Variants in PAQR8 observed in about 807,000 individuals in gnomAD.
PAQR8 encodes the protein progestin and adipoQ receptor family member 8.
Under a neutral mutation model 25.2 loss-of-function variants are expected in PAQR8, and 17 were observed. That is an observed-to-expected ratio of 0.67 (90% CI 0.46 to 1.01). The LOEUF (loss-of-function observed/expected upper bound fraction) is 1.01, where lower values mean the gene tolerates loss of function less well. PAQR8 is among the 50% of genes least tolerant of loss of function. PAQR8 has a pLI of 0.00. For synonymous variants in PAQR8, 204 were observed against 190.6 expected (o/e 1.07, Z -0.58); for missense variants, 392 against 448.4 (o/e 0.87, Z 1.14).
In PAQR8 at chr6:52,398,177, A is replaced by AAGTTT. The variant is rs375240947; in HGVS notation, c.-52-4982_-52-4978dup. On this transcript the variant is annotated intron_variant, in intron 1 of 1. Coordinates refer to ENST00000442253, the MANE Select transcript of PAQR8 (RefSeq NM_133367.5). ...CAACCCAAACCCTCTTTCTGACCAC[A>AAGTTT]AGTTTAGAATTTTTCTTTTCTTTTT... Among the ~76,000 whole-genome samples, 472 of 150,334 alleles carry AAGTTT rather than the reference A, an allele frequency of 3.1e-3. 2 individuals carry two copies. The highest frequency in any genetic ancestry group is 0.011 in the African/African-American group (463 of 40,708).
chr6:52,394,701 A>G (rs778192757), intron 1 of PAQR8, among the ~76,000 whole-genome samples: 8 of 152,270 alleles, frequency 5.3e-5, no homozygotes, highest in Non-Finnish European at 1.2e-4. Flanking sequence ...GTAGGCTAAG[A>G]GTGGTTACGT....
intron 1 of PAQR8, among the ~76,000 whole-genome samples, chr6:52,395,416 A>G (rs932967391): frequency 6.6e-6 from 1 of 152,198 alleles, no homozygotes; most frequent in Non-Finnish European, 1.5e-5. Context: ...TTCCATTATA[A>G]TCTGACTCTA....
chr6:52,398,500 G>A (rs1020315597), intron 1 of PAQR8, among the ~76,000 whole-genome samples: 1 of 150,062 alleles, frequency 6.7e-6, no homozygotes, highest in Admixed American at 6.6e-5. Context: ...GAGCCACCAT[G>A]CGTGACCTTA....
intron 1 of PAQR8, among the ~76,000 whole-genome samples, chr6:52,378,463 T>C (rs1438420793): frequency 3.3e-5 from 5 of 152,194 alleles, no homozygotes; most frequent in African/African-American, 7.2e-5. Context: ...ATTCCAGATA[T>C]AACAAAATTT....
At chr6:52,395,189 C>T (rs141419189) in intron 1 of PAQR8, among the ~76,000 whole-genome samples, 1,581 of 148,792 alleles carry the variant, frequency 0.011, 21 homozygotes, top group African/African-American at 0.037. Flanking sequence ...AGGAGAATTG[C>T]TTGAACCCGG....
At chr6:52,401,013 C>T (rs1763823692) in intron 1 of PAQR8, among the ~76,000 whole-genome samples, 1 of 152,226 alleles carries the variant, frequency 6.6e-6, no homozygotes, top group South Asian at 2.1e-4. Flanking sequence ...AACTATCACA[C>T]AACCCATATA....
intron 1 of PAQR8, among the ~76,000 whole-genome samples, chr6:52,372,897 C>T (rs1457796251): frequency 2.0e-5 from 3 of 152,094 alleles, no homozygotes; most frequent in Non-Finnish European, 4.4e-5. Flanking sequence ...TTAGATATCA[C>T]TATATCCCTA....
In PAQR8 at chr6:52,362,734, G is replaced by A. The variant is rs535565734; in HGVS notation, c.-53+485G>A. ...CGCCCTCCGCAGGGCGGAGGGGAAC[G>A]GAACCTGGGAGGGGAGTGCGGAGGA... is the stretch of plus-strand genomic sequence containing the variant. On this transcript the variant is annotated intron_variant, in intron 1 of 1. Coordinates refer to ENST00000442253, the MANE Select transcript of PAQR8 (RefSeq NM_133367.5). The surrounding 1 kb of genome is among the most constrained non-coding windows in gnomAD (Gnocchi z 4.1). Among the ~76,000 whole-genome samples, 1 of 152,172 alleles carries A rather than the reference G, an allele frequency of 6.6e-6. No individual in the cohort carries two copies. The highest frequency in any genetic ancestry group is 2.4e-5 in the African/African-American group (1 of 41,452).
chr6:52,378,951 G>T (rs968566761), intron 1 of PAQR8, among the ~76,000 whole-genome samples: 1 of 151,634 alleles, frequency 6.6e-6, no homozygotes, highest in Non-Finnish European at 1.5e-5. Context: ...ACAAAAATTA[G>T]CCAGGCATGG....
chr6:52,380,858 GT>G (rs1409238394), intron 1 of PAQR8, among the ~76,000 whole-genome samples: 4 of 152,280 alleles, frequency 2.6e-5, no homozygotes, highest in Admixed American at 2.0e-4. Flanking sequence ...GTATAAACAG[GT>G]ATCAACTTGC....
chr6:52,378,895 G>C (rs1454755684), intron 1 of PAQR8, among the ~76,000 whole-genome samples: 1 of 151,738 alleles, frequency 6.6e-6, no homozygotes, highest in Admixed American at 6.6e-5. Flanking sequence ...TCAGGAGTTC[G>C]AGACCAGCCT....
intron 1 of PAQR8, among the ~76,000 whole-genome samples, chr6:52,364,550 G>T (rs1165622131): frequency 1.3e-5 from 2 of 152,150 alleles, no homozygotes; most frequent in African/African-American, 4.8e-5. Context: ...ACTAATTCTA[G>T]TGATGCTGTC....
At chr6:52,394,072 C>G (rs1350248793) in intron 1 of PAQR8, among the ~76,000 whole-genome samples, 1 of 152,112 alleles carries the variant, frequency 6.6e-6, no homozygotes, top group African/African-American at 2.4e-5. Context: ...CCTCCTGTAT[C>G]CTACAGAGGT....
intron 1 of PAQR8, among the ~76,000 whole-genome samples, chr6:52,388,859 A>T (rs1763663568): frequency 1.3e-5 from 2 of 152,198 alleles, no homozygotes; most frequent in African/African-American, 2.4e-5. Flanking sequence ...CTGAGCCTGA[A>T]TTTGAGAGAG....
In PAQR8 at chr6:52,370,441, C is replaced by T. The variant is rs535449028; in HGVS notation, c.-53+8192C>T. 6.6e-5 allele frequency among the ~76,000 whole-genome samples: 10 copies of T among 152,272 alleles called. No homozygotes were observed. In the South Asian group the frequency reaches 8.3e-4, roughly 13 times the overall value. ...AGAGATGTAAGAGAAGCGTAAAGCA[C>T]GTCTTTTTGTGCTTAAGGAGCCTAA... On this transcript the variant is annotated intron_variant, in intron 1 of 1. Transcript: ENST00000442253.
At chr6:52,383,640 G>T (rs1395595535) in intron 1 of PAQR8, among the ~76,000 whole-genome samples, 1 of 120,678 alleles carries the variant, frequency 8.3e-6, no homozygotes, top group Admixed American at 9.6e-5. Flanking sequence ...CAGCCTGGGC[G>T]ACAGAGCGAG....
At position 52,404,429 on chromosome 6, in the gene PAQR8, T is replaced by A; in HGVS notation, c.*151T>A. On this transcript the variant is annotated 3_prime_UTR_variant, in exon 2 of 2. Coordinates refer to ENST00000442253, the MANE Select transcript of PAQR8 (RefSeq NM_133367.5). ...CTGCAGTGTTTGAAAGCCAAAGGAT[T>A]TAAGAGTTTTGTTGTTGTTAATAAA... 3.8e-6 allele frequency: 3 copies of A among 780,084 alleles called. No individual in the cohort carries two copies. The highest frequency in any genetic ancestry group is 6.1e-6 in the Non-Finnish European group (3 of 494,662). The allele number at this position is 780,084 out of a possible 1,614,324, so 48.3% of individuals were successfully genotyped here. A position where few individuals can be genotyped will look rare whatever the true frequency, so the allele number is the denominator to read the frequency against.
chr6:52,401,521 A>G (rs1045385714), intron 1 of PAQR8, among the ~76,000 whole-genome samples: 4 of 152,210 alleles, frequency 2.6e-5, no homozygotes, highest in Non-Finnish European at 4.4e-5. Context: ...GCATTTCTGA[A>G]GCCTGAAATT....
At chr6:52,363,827 G>A (rs1763318616) in intron 1 of PAQR8, among the ~76,000 whole-genome samples, 1 of 152,178 alleles carries the variant, frequency 6.6e-6, no homozygotes. Flanking sequence ...GGACCTCAGT[G>A]GATGAGTATC....
Sources: allele counts gnomAD v4.1 joint callset (sites outside exome capture counted in the v4.1 genomes callset), GRCh38; gene constraint gnomAD v4.1.1; non-coding constraint Gnocchi (gnomAD v3.1); transcripts MANE v1.5; gene names NCBI Gene and HGNC (gene_info 2026-07-23, HGNC 2026-07-21).